Variants in TDRD5 observed in about 807,000 individuals in gnomAD.
TDRD5 encodes the protein tudor domain containing 5.
In TDRD5, 41 loss-of-function variants were observed where a neutral mutation model predicts 120.6. The observed-to-expected ratio is 0.34, with a 90% CI of 0.26 to 0.44. TDRD5 has a LOEUF of 0.44. Among genes scored for constraint, TDRD5 ranks in the 20% least tolerant of loss-of-function variants. The pLI is 1.00. For missense variants in TDRD5, 1,006 were observed against 1,221.2 expected (o/e 0.82, Z 2.63); for synonymous variants, 430 against 433.7 (o/e 0.99, Z 0.11).
chr1:179,643,802 CCA>C (rs1173211199), intron 11 of TDRD5, among the ~76,000 whole-genome samples: 1 of 152,076 alleles, frequency 6.6e-6, no homozygotes, highest in Non-Finnish European at 1.5e-5. Flanking sequence ...CCAAAAATTT[CCA>C]CAGTGTGGTG....
At chr1:179,633,473 T>C (rs1377880506) in intron 7 of TDRD5, among the ~76,000 whole-genome samples, 1 of 151,980 alleles carries the variant, frequency 6.6e-6, no homozygotes, top group Admixed American at 6.6e-5. Flanking sequence ...TGCCTCGGCC[T>C]CCCAAGTAGC....
chr1:179,640,900 C>T (rs1290763320), intron 11 of TDRD5, among the ~76,000 whole-genome samples: 2 of 152,124 alleles, frequency 1.3e-5, no homozygotes, highest in Non-Finnish European at 1.5e-5. Flanking sequence ...TGAAGACCCA[C>T]GTTTAGAAGA....
intron 4 of TDRD5, among the ~76,000 whole-genome samples, chr1:179,597,485 C>T (rs1675465457): frequency 6.6e-6 from 1 of 151,902 alleles, no homozygotes; most frequent in Non-Finnish European, 1.5e-5. Context: ...GCGTCAGCCA[C>T]CACACCTGGC....
At chr1:179,643,226 C>G (rs1216163535) in intron 11 of TDRD5, among the ~76,000 whole-genome samples, 1 of 152,056 alleles carries the variant, frequency 6.6e-6, no homozygotes, top group African/African-American at 2.4e-5. Context: ...GTTTTAACTG[C>G]CAGTTAAAAC....
Position 179,628,470 on chromosome 1 carries a change from T to TTC in TDRD5, c.973-2296_973-2295insCT, listed in dbSNP as rs1553325538. ...CATGCTACCATGTCCAGCTAAGTTT[T>TTC]TTTTTTTTTTTAAGTTGTAGAGGCA... On this transcript the variant is annotated intron_variant, in intron 6 of 17. Transcript: ENST00000444136. Among the ~76,000 whole-genome samples the TTC allele has an allele frequency of 3.8e-3, 485 of 128,826 alleles. 1 individual carries two copies. Among genetic ancestry groups the TTC allele is most frequent in the African/African-American group, 0.012 (452 of 37,158 alleles). The allele number at this position is 128,826 out of a possible 152,430, so 84.5% of individuals were successfully genotyped here.
chr1:179,600,063 G>T (rs1332465914), intron 4 of TDRD5, among the ~76,000 whole-genome samples: 1 of 152,062 alleles, frequency 6.6e-6, no homozygotes, highest in Non-Finnish European at 1.5e-5. Context: ...TTTCCTTCAG[G>T]AAGTATTCCA....
At chr1:179,670,350 C>G (rs188422709) in intron 17 of TDRD5, among the ~76,000 whole-genome samples, 5 of 151,762 alleles carry the variant, frequency 3.3e-5, no homozygotes, top group African/African-American at 9.7e-5. Flanking sequence ...CGAGATCGTG[C>G]CACTACACTC....
intron 17 of TDRD5, among the ~76,000 whole-genome samples, chr1:179,686,671 C>T (rs1288273253): frequency 1.5e-5 from 2 of 135,056 alleles, no homozygotes; most frequent in Non-Finnish European, 3.3e-5. Flanking sequence ...CTGACTGGTC[C>T]TGGACTTTTT....
chr1:179,592,493 A>G, intron 1 of TDRD5, 109 bp from the exon 2 acceptor site: 1 of 845,988 alleles, frequency 1.2e-6, no homozygotes, highest in Non-Finnish European at 1.8e-6. Context: ...CTTCTGCCTT[A>G]TTACCCTTAA....
chr1:179,625,967 A>G (rs1446313583), intron 6 of TDRD5, among the ~76,000 whole-genome samples: 1 of 152,028 alleles, frequency 6.6e-6, no homozygotes, highest in Non-Finnish European at 1.5e-5. Context: ...CGCAAGAACA[A>G]AAAACCAAAC....
chr1:179,652,445 T>C (rs1366262323), intron 13 of TDRD5, among the ~76,000 whole-genome samples: 1 of 152,202 alleles, frequency 6.6e-6, no homozygotes. Flanking sequence ...ACACTGCCTC[T>C]GAATGCTATT....
intron 12 of TDRD5, among the ~76,000 whole-genome samples, chr1:179,651,781 C>T (rs1678727758): frequency 6.6e-6 from 1 of 151,950 alleles, no homozygotes; most frequent in Non-Finnish European, 1.5e-5. Context: ...GGCGTGATGG[C>T]ACGTGCCTGT....
At chr1:179,601,143 T>TC (rs1558370726) in intron 4 of TDRD5, among the ~76,000 whole-genome samples, 1 of 136,836 alleles carries the variant, frequency 7.3e-6, no homozygotes, top group African/African-American at 2.7e-5. Context: ...CTTTTTAACT[T>TC]TTTTAATGAA....
chr1:179,641,866 T>C (rs917282769), intron 11 of TDRD5, among the ~76,000 whole-genome samples: 1 of 152,210 alleles, frequency 6.6e-6, no homozygotes, highest in African/African-American at 2.4e-5. Flanking sequence ...TTCTGATTTT[T>C]GACTGTTAGA....
At chr1:179,680,137 G>A (rs1680343976) in intron 17 of TDRD5, among the ~76,000 whole-genome samples, 1 of 151,756 alleles carries the variant, frequency 6.6e-6, no homozygotes, top group Admixed American at 6.6e-5. Flanking sequence ...TCTTTCTATT[G>A]TTTATTTCTA....
At chr1:179,612,614 G>A (rs1299907046) in intron 4 of TDRD5, among the ~76,000 whole-genome samples, 1 of 152,010 alleles carries the variant, frequency 6.6e-6, no homozygotes, top group Admixed American at 6.6e-5. Context: ...GGCATTTCTA[G>A]GATCTCTAGT....
intron 7 of TDRD5, among the ~76,000 whole-genome samples, chr1:179,632,560 T>C (rs1394056590): frequency 6.6e-6 from 1 of 152,210 alleles, no homozygotes. Flanking sequence ...AATGTTTATA[T>C]AGCCTCCAAG....
chr1:179,666,971 T>C (rs574305929), intron 16 of TDRD5, among the ~76,000 whole-genome samples: 6 of 152,352 alleles, frequency 3.9e-5, no homozygotes, highest in African/African-American at 1.2e-4. Context: ...GAGTCAGTCA[T>C]TTATAACTAC....
intron 17 of TDRD5, among the ~76,000 whole-genome samples, chr1:179,689,053 C>T (rs867728144): frequency 5.3e-5 from 8 of 152,336 alleles, no homozygotes; most frequent in Middle Eastern, 6.8e-3. Flanking sequence ...TCTCTCAACT[C>T]GTCAAAGTCA....
Sources: allele counts gnomAD v4.1 joint callset (sites outside exome capture counted in the v4.1 genomes callset), GRCh38; gene constraint gnomAD v4.1.1; transcripts MANE v1.5; gene names NCBI Gene and HGNC (gene_info 2026-07-23, HGNC 2026-07-21).